DENND4B: variants seen among roughly 807,000 people sequenced by gnomAD.
The protein encoded by DENND4B is DENN domain containing 4B, also known as DENN domain-containing protein 4B.
Under a neutral mutation model 161.0 loss-of-function variants are expected in DENND4B, and 67 were observed. The observed-to-expected ratio is 0.42, with a 90% CI of 0.34 to 0.51. The LOEUF (loss-of-function observed/expected upper bound fraction) is 0.51, where lower values mean the gene tolerates loss of function less well. Among genes scored for constraint, DENND4B ranks in the 20% least tolerant of loss-of-function variants. The pLI is 0.08. For synonymous variants in DENND4B, 753 were observed against 813.8 expected, an observed-to-expected ratio of 0.93 and a Z score of 1.27; for missense variants, 1,481 against 1,968.0, an observed-to-expected ratio of 0.75 and a Z score of 4.68.
chr1:153,933,541 C>T lies in DENND4B; in HGVS notation c.3272G>A (p.Arg1091His), dbSNP rs768473215. The T allele has an allele frequency of 1.7e-5, 27 of 1,548,162 alleles. No individual in the cohort carries two copies. The highest frequency in any genetic ancestry group is 1.5e-4 in the South Asian group (12 of 80,186). ...LPPDLPPPAR[R>H]SPMDSLLHPR... ...GTGCAGAAGACTGTCCATGGGGCTG[C>T]GGCGGGCTGGGGGTGGCAGGTCAGG... is the stretch of plus-strand genomic sequence containing the variant. The change falls in exon 20 of 28, where the codon CGC (arginine) becomes CAC (histidine). Residue 1091 changes from arginine (R) to histidine (H), a missense_variant. Around this residue, in one of 3 missense-constraint regions of DENND4B, gnomAD observed 339 missense variants for 330.3 expected, o/e 1.03. Transcript: ENST00000361217. The surrounding 1 kb of genome is among the most constrained non-coding windows in gnomAD (Gnocchi z 5.7).
At chr1:153,941,779 T>TCCCCCCC in intron 6 of DENND4B, 90 bp downstream of exon 6, 2 of 464,520 alleles carry the variant, frequency 4.3e-6, no homozygotes, top group South Asian at 4.1e-5. Context: ...TGCCCAGCCC[T>TCCCCCCC]CCCCCCACCC....
At chr1:153,931,607 C>G (rs1380432477) in intron 24 of DENND4B, among the ~76,000 whole-genome samples, 3 of 151,532 alleles carry the variant, frequency 2.0e-5, no homozygotes, top group Non-Finnish European at 4.4e-5. Context: ...ACGCCATTCT[C>G]CTGCCTCAGC....
In DENND4B at chr1:153,944,268, C is replaced by T; in HGVS notation, c.107G>A (p.Gly36Glu). The T allele has an allele frequency of 1.9e-6, 3 of 1,601,574 alleles. No individual in the cohort carries two copies. Among genetic ancestry groups the T allele is most frequent in the South Asian group, 2.2e-5 (2 of 89,826 alleles). The change falls in exon 2 of 28, where the codon GGG becomes GAG. Residue 36 changes from glycine to glutamate, a missense_variant. Gly to Glu is a moderately conservative substitution (Grantham distance 98). Coordinates refer to ENST00000361217, the MANE Select transcript of DENND4B (RefSeq NM_014856.3). This position sits in a 1 kb window ranked among gnomAD's most constrained non-coding sequence, Gnocchi z 4.8. The part of the protein sequence containing the change: ...PEETWVPEPS[G>E]PLRPPRPAEP... ...AGCTGGCCGGGGAGGGCGCAGGGGC[C>T]CACTGGGTTCAGGAACCCACGTTTC...
Position 153,944,282 on chromosome 1 carries a change from A to T in DENND4B, c.93T>A (p.Val31=), listed in dbSNP as rs759557796. The change falls in exon 2 of 28, where the codon GTT becomes GTA. Residue 31 remains valine (V), a synonymous_variant. Transcript: ENST00000361217. This position sits in a 1 kb window ranked among gnomAD's most constrained non-coding sequence, Gnocchi z 4.8. The part of the protein sequence containing the change: ...NGAPIPEETW[V]PEPSGPLRPP... ...GGCGCAGGGGCCCACTGGGTTCAGG[A>T]ACCCACGTTTCCTCAGGGATGGGTG... The T allele has an allele frequency of 1.2e-6, 2 of 1,603,966 alleles. No homozygotes were observed. The highest frequency in any genetic ancestry group is 1.7e-6 in the Non-Finnish European group (2 of 1,174,354).
In DENND4B at chr1:153,942,399, T is replaced by C. The variant is rs1278549765; in HGVS notation, c.641-43A>G. The C allele has an allele frequency of 6.3e-7, 1 of 1,595,906 alleles. No individual in the cohort carries two copies. The highest frequency in any genetic ancestry group is 1.7e-5 in the Admixed American group (1 of 57,210). The stretch of plus-strand genomic sequence containing the variant: ...TTGGGGGTACCCAAAAGGAGCAGGG[T>C]CCATCAGACTCCAAGGGAAATGAAC... On this transcript the variant is annotated intron_variant, in intron 4 of 27. Transcript: ENST00000361217. This position sits in a 1 kb window ranked among gnomAD's most constrained non-coding sequence, Gnocchi z 6.9.
At chr1:153,938,265 C>G (rs1219230136) in intron 13 of DENND4B, among the ~76,000 whole-genome samples, 1 of 152,032 alleles carries the variant, frequency 6.6e-6, no homozygotes, top group East Asian at 1.9e-4. Context: ...AAAAATTAGC[C>G]AGGCATATTG....
upstream of DENND4B, chr1:153,946,766 C>T (rs1257746956): frequency 5.4e-6 from 2 of 371,368 alleles, no homozygotes; most frequent in Non-Finnish European, 9.6e-6. The surrounding 1 kb of genome is among the most constrained non-coding windows in gnomAD (Gnocchi z 6.3). Flanking sequence ...GCTGGGAGGG[C>T]CCCCTGCACC....
chr1:153,939,274 TG>T (rs35006932), intron 12 of DENND4B, among the ~76,000 whole-genome samples: 7 of 151,382 alleles, frequency 4.6e-5, no homozygotes, highest in South Asian at 2.1e-4. Context: ...TGCCTCAGAC[TG>T]GGGGGGGTCT....
At position 153,930,267 on chromosome 1, in the gene DENND4B, C is replaced by G. The variant is rs1571025121; in HGVS notation, c.*30G>C. The stretch of plus-strand genomic sequence containing the variant: ...GAATCCCTTCTTCCTCACTTCCCCA[C>G]CCTAGGCTGGAGAGGGAAGCTTAAG... On this transcript the variant is annotated 3_prime_UTR_variant, in exon 28 of 28. Transcript: ENST00000361217. This position sits in a 1 kb window ranked among gnomAD's most constrained non-coding sequence, Gnocchi z 4.7. 6.2e-7 allele frequency: 1 copy of G among 1,604,458 alleles called. No individual in the cohort carries two copies. The highest frequency in any genetic ancestry group is 2.2e-5 in the East Asian group (1 of 44,614).
chr1:153,943,238 G>A (rs1679777293), intron 2 of DENND4B, 108 bp from the exon 3 acceptor site: 15 of 1,459,426 alleles, frequency 1.0e-5, no homozygotes, highest in Non-Finnish European at 1.2e-5. Flanking sequence ...TGTACCCACA[G>A]CCTTGTCAAA....
chr1:153,938,964 T>C lies in DENND4B; in HGVS notation c.1901A>G (p.Glu634Gly). The change falls in exon 13 of 28, where the codon GAG (glutamate) becomes GGG (glycine). Residue 634 changes from glutamate (E) to glycine (G), a missense_variant. Physicochemically the swap from Glu to Gly is moderately conservative, Grantham distance 98. Transcript: ENST00000361217. ...GCGAGCAGAGCCAAAAGAGCACTCCTCAATGAACTGTGAGAACATCTGTGT... is the reference window on the plus strand; with the variant it reads ...GCGAGCAGAGCCAAAAGAGCACTCCCCAATGAACTGTGAGAACATCTGTGT... ...LHTQMFSQFI[E>G]ECSFGSARHA... is the part of the protein sequence containing the mutation. The C allele has an allele frequency of 6.2e-7, 1 of 1,610,456 alleles. No homozygotes were observed. Among genetic ancestry groups the C allele is most frequent in the Non-Finnish European group, 8.5e-7 (1 of 1,178,354 alleles).
chr1:153,932,535 C>A lies in DENND4B; in HGVS notation c.3760-95G>T. ...ACCACATCCAACAGCTTTTGGGATG[C>A]CCCTTGCCCTCAAGGGCAAGAGATG... On this transcript the variant is annotated intron_variant, in intron 23 of 27. Transcript: ENST00000361217. This position sits in a 1 kb window ranked among gnomAD's most constrained non-coding sequence, Gnocchi z 5.8. 1 of 1,556,574 alleles carries A rather than the reference C, an allele frequency of 6.4e-7. No homozygotes were observed. Among genetic ancestry groups the A allele is most frequent in the Admixed American group, 1.9e-5 (1 of 53,810 alleles).
chr1:153,944,436 G>C lies in DENND4B; in HGVS notation c.-23-39C>G. On this transcript the variant is annotated intron_variant, in intron 1 of 27. Transcript: ENST00000361217. The surrounding 1 kb of genome is among the most constrained non-coding windows in gnomAD (Gnocchi z 4.8). Reference sequence around the variant, plus strand: ...GTGGGAGAGAGATGAAGCAAGGAAGGCTGGGGATGCCATGGCAACCAGGGT... The same window carrying C: ...GTGGGAGAGAGATGAAGCAAGGAAGCCTGGGGATGCCATGGCAACCAGGGT... 1 of 1,500,978 alleles carries C rather than the reference G, an allele frequency of 6.7e-7. No individual in the cohort carries two copies. Among genetic ancestry groups the C allele is most frequent in the Non-Finnish European group, 8.9e-7 (1 of 1,120,938 alleles). The allele number at this position is 1,500,978 out of a possible 1,614,324, so 93.0% of individuals were successfully genotyped here.
At position 153,944,910 on chromosome 1, in the gene DENND4B, A is replaced by G. The variant is rs1365382466; in HGVS notation, c.-23-513T>C. Reference sequence around the variant, plus strand: ...AGAGGACCCCATGGGTTTCTGAGAAAGCCCACAAAACCCAAGCTTTAAGAG... The same window carrying G: ...AGAGGACCCCATGGGTTTCTGAGAAGGCCCACAAAACCCAAGCTTTAAGAG... On this transcript the variant is annotated intron_variant, in intron 1 of 27. Coordinates refer to ENST00000361217, the MANE Select transcript of DENND4B (RefSeq NM_014856.3). The surrounding 1 kb of genome is among the most constrained non-coding windows in gnomAD (Gnocchi z 4.8). 4.6e-5 allele frequency among the ~76,000 whole-genome samples: 7 copies of G among 152,192 alleles called. No homozygotes were observed. Among genetic ancestry groups the G allele is most frequent in the African/African-American group, 7.2e-5 (3 of 41,422 alleles).
rs1557846876 is a variant in DENND4B at position 153,933,327 on chromosome 1, G to C, written c.3331-8C>G. ...GCCCAGAGAGGCTGAGCTCTACCAT[G>C]ACATGAGAAACCATGGTCAGCCAAC... On this transcript the variant is annotated splice_polypyrimidine_tract_variant and splice_region_variant and intron_variant, in intron 20 of 27. Coordinates refer to ENST00000361217, the MANE Select transcript of DENND4B (RefSeq NM_014856.3). This position sits in a 1 kb window ranked among gnomAD's most constrained non-coding sequence, Gnocchi z 5.7. 1 of 1,613,284 alleles carries C rather than the reference G, an allele frequency of 6.2e-7. No homozygotes were observed. The highest frequency in any genetic ancestry group is 8.5e-7 in the Non-Finnish European group (1 of 1,179,678).
At chr1:153,939,174 G>T in intron 12 of DENND4B, 129 bp from the exon 13 acceptor site, 1 of 1,154,946 alleles carries the variant, frequency 8.7e-7, no homozygotes, top group Non-Finnish European at 1.2e-6. Flanking sequence ...TGGACCCTCT[G>T]GCACAACTAC....
rs749627231 is a variant in DENND4B, at chr1:153,944,385, T to C, written c.-11A>G. 1.1e-5 allele frequency: 17 copies of C among 1,596,244 alleles called. No individual in the cohort carries two copies. The highest frequency in any genetic ancestry group is 1.3e-5 in the African/African-American group (1 of 74,328). On this transcript the variant is annotated 5_prime_UTR_variant, in exon 2 of 28. Coordinates refer to ENST00000361217, the MANE Select transcript of DENND4B (RefSeq NM_014856.3). This position sits in a 1 kb window ranked among gnomAD's most constrained non-coding sequence, Gnocchi z 4.8. The stretch of plus-strand genomic sequence containing the variant: ...CCGCTCCTCCGCCATGGCCCCCCCC[T>C]CACTCACTGCATCTGGAATGGTCAA...
rs1679858624 is a variant in DENND4B, at chr1:153,944,428, CAAGG to C, written c.-23-35_-23-32del. 1 of 1,521,990 alleles carries C rather than the reference CAAGG, an allele frequency of 6.6e-7. No individual in the cohort carries two copies. The highest frequency in any genetic ancestry group is 1.4e-5 in the African/African-American group (1 of 72,280). 94.3% of individuals were successfully genotyped at this position (1,521,990 alleles called of 1,614,324 possible). A position where few individuals can be genotyped will look rare whatever the true frequency, so the allele number is the denominator to read the frequency against. On this transcript the variant is annotated intron_variant, in intron 1 of 27. Transcript: ENST00000361217. The surrounding 1 kb of genome is among the most constrained non-coding windows in gnomAD (Gnocchi z 4.8). ...ATGGTCAAGTGGGAGAGAGATGAAGCAAGGAAGGCTGGGGATGCCATGGCAACCA... is the reference window on the plus strand; with the variant it reads ...ATGGTCAAGTGGGAGAGAGATGAAGCAAGGCTGGGGATGCCATGGCAACCA...
At position 153,942,892 on chromosome 1, in the gene DENND4B, G is replaced by A. The variant is rs367847379; in HGVS notation, c.556C>T (p.Leu186Phe). 2.1e-5 allele frequency: 34 copies of A among 1,600,822 alleles called. 1 individual carries two copies. The highest frequency in any genetic ancestry group is 1.7e-5 in the Non-Finnish European group (20 of 1,169,974). The change falls in exon 3 of 28, where the codon CTC becomes TTC. Residue 186 changes from leucine to phenylalanine, a missense_variant. Leu to Phe is a conservative substitution (Grantham distance 22). Coordinates refer to ENST00000361217, the MANE Select transcript of DENND4B (RefSeq NM_014856.3). The surrounding 1 kb of genome is among the most constrained non-coding windows in gnomAD (Gnocchi z 6.9). Reference protein sequence around the residue: ...PHTYCRLPRNLNPGMWGPAVY... With the variant: ...PHTYCRLPRNFNPGMWGPAVY... Reference sequence around the variant, plus strand: ...GCCCCACTCACCATGCCAGGGTTGAGGTTGCGGGGCAGCCGGCAGTAAGTA... The same window carrying A: ...GCCCCACTCACCATGCCAGGGTTGAAGTTGCGGGGCAGCCGGCAGTAAGTA...
Sources: gnomAD v4.1 joint callset for allele counts (sites outside exome capture counted in the v4.1 genomes callset) on GRCh38, gnomAD v4.1.1 for gene constraint, gnomAD v4.1.1 regional missense constraint, Gnocchi (gnomAD v3.1) non-coding constraint, MANE v1.5 for transcripts, NCBI Gene and HGNC (gene_info 2026-07-23, HGNC 2026-07-21) for gene names.